CRPPA: variants seen among roughly 807,000 people sequenced by gnomAD.
CRPPA encodes D-ribitol-5-phosphate cytidylyltransferase.
Under a neutral mutation model 52.0 loss-of-function variants are expected in CRPPA, and 43 were observed. That is an observed-to-expected ratio of 0.83 (90% CI 0.65 to 1.07). The LOEUF is 1.07. Among genes scored for constraint, CRPPA ranks in the 50% least tolerant of loss-of-function variants. CRPPA has a pLI of 0.00. For synonymous variants in CRPPA, 250 were observed against 203.5 expected (o/e 1.23, Z -1.94); for missense variants, 629 against 551.7 (o/e 1.14, Z -1.40).
At chr7:16,308,042 G>T (rs372469310) in intron 4 of CRPPA, among the ~76,000 whole-genome samples, 1 of 152,078 alleles carries the variant, frequency 6.6e-6, no homozygotes, top group Non-Finnish European at 1.5e-5. Flanking sequence ...CGTGGGGGCA[G>T]ATTTCCGCCT....
chr7:16,266,742 G>T (rs577455071), intron 6 of CRPPA, among the ~76,000 whole-genome samples: 1 of 152,280 alleles, frequency 6.6e-6, no homozygotes, highest in South Asian at 2.1e-4. Context: ...GCCTCCTAAA[G>T]TGCTGGGATT....
chr7:16,292,463 G>A (rs1784582905), intron 5 of CRPPA, among the ~76,000 whole-genome samples: 1 of 151,922 alleles, frequency 6.6e-6, no homozygotes, highest in Non-Finnish European at 1.5e-5. Flanking sequence ...AGGAGTTGAT[G>A]GTAGCACAGA....
intron 3 of CRPPA, among the ~76,000 whole-genome samples, chr7:16,343,202 A>AT (rs968404270): frequency 6.6e-6 from 1 of 152,262 alleles, no homozygotes; most frequent in East Asian, 1.9e-4. Context: ...GATCAAAATC[A>AT]TTTTTTTTTA....
At chr7:16,125,888 T>TACACACAC (rs3083131) in intron 9 of CRPPA, among the ~76,000 whole-genome samples, 11 of 134,232 alleles carry the variant, frequency 8.2e-5, no homozygotes, top group African/African-American at 2.8e-4. Flanking sequence ...GAAGCTTGCC[T>TACACACAC]ACACACACAC....
chr7:16,387,181 T>C (rs963538607), intron 2 of CRPPA, among the ~76,000 whole-genome samples: 2 of 149,776 alleles, frequency 1.3e-5, no homozygotes, highest in African/African-American at 4.9e-5. Context: ...ATTAGGTTGG[T>C]ACAAAAGTAA....
At chr7:16,323,651 T>A (rs956897396) in intron 3 of CRPPA, among the ~76,000 whole-genome samples, 1 of 152,246 alleles carries the variant, frequency 6.6e-6, no homozygotes, top group African/African-American at 2.4e-5. Context: ...TCTTTTTGTA[T>A]ATTTTATTAC....
chr7:16,277,713 T>C (rs1784235232), intron 6 of CRPPA, among the ~76,000 whole-genome samples: 1 of 152,192 alleles, frequency 6.6e-6, no homozygotes, highest in South Asian at 2.1e-4. Context: ...TACTCGCTTT[T>C]CCAATATCAT....
chr7:16,168,074 T>C (rs1030437882), intron 9 of CRPPA, among the ~76,000 whole-genome samples: 9 of 152,214 alleles, frequency 5.9e-5, no homozygotes, highest in African/African-American at 2.2e-4. Context: ...TTGATGTGTT[T>C]CTTGGCAATT....
chr7:16,309,420 T>C (rs766718155), intron 3 of CRPPA, among the ~76,000 whole-genome samples: 10 of 152,172 alleles, frequency 6.6e-5, no homozygotes, highest in Non-Finnish European at 1.3e-4. Flanking sequence ...GATGCAGCAC[T>C]AGAAGAATGT....
At chr7:16,159,199 C>T (rs894994359) in intron 9 of CRPPA, among the ~76,000 whole-genome samples, 35 of 152,142 alleles carry the variant, frequency 2.3e-4, no homozygotes, top group Non-Finnish European at 1.6e-4. Flanking sequence ...GGCAGATCAC[C>T]TAAGGTCAGG....
chr7:16,412,790 T>C (rs1043491426), intron 1 of CRPPA, among the ~76,000 whole-genome samples: 7 of 152,190 alleles, frequency 4.6e-5, no homozygotes, highest in Non-Finnish European at 7.3e-5. Flanking sequence ...CTCCTGAATA[T>C]TTCCTTTCTA....
intron 2 of CRPPA, among the ~76,000 whole-genome samples, chr7:16,377,157 G>C (rs536756973): frequency 6.6e-6 from 1 of 152,282 alleles, no homozygotes; most frequent in African/African-American, 2.4e-5. Context: ...AAAGCCAAGG[G>C]ACTGGCTGAA....
intron 9 of CRPPA, among the ~76,000 whole-genome samples, chr7:16,202,209 G>C (rs1355538915): frequency 6.6e-6 from 1 of 152,110 alleles, no homozygotes; most frequent in Admixed American, 6.6e-5. Flanking sequence ...TCATGTTTAT[G>C]AATGATACTA....
intron 9 of CRPPA, among the ~76,000 whole-genome samples, chr7:16,104,706 C>G (rs1015659230): frequency 3.3e-5 from 5 of 152,032 alleles, no homozygotes; most frequent in Admixed American, 3.3e-4. Context: ...CAAGACCAAC[C>G]TGGTCAACAT....
intron 9 of CRPPA, among the ~76,000 whole-genome samples, chr7:16,179,353 A>T (rs562814487): frequency 6.6e-6 from 1 of 152,270 alleles, no homozygotes; most frequent in South Asian, 2.1e-4. Flanking sequence ...AATCCATGAA[A>T]ATGTTGTCAC....
intron 3 of CRPPA, among the ~76,000 whole-genome samples, chr7:16,329,726 T>C (rs2128429567): frequency 6.6e-6 from 1 of 152,304 alleles, no homozygotes; most frequent in Non-Finnish European, 1.5e-5. Context: ...TGAGGATTCA[T>C]GGTCAGAGTA....
At chr7:16,134,771 A>T (rs1252887557) in intron 9 of CRPPA, among the ~76,000 whole-genome samples, 1 of 152,222 alleles carries the variant, frequency 6.6e-6, no homozygotes, top group Non-Finnish European at 1.5e-5. Context: ...TTTGTAAATT[A>T]TAATTGAATC....
At chr7:16,235,809 G>A (rs1015907983) in intron 8 of CRPPA, 6 of 152,022 alleles carry the variant, frequency 3.9e-5, no homozygotes, top group Non-Finnish European at 5.9e-5. Context: ...GCAAGCATTG[G>A]CATTACTCAT....
intron 3 of CRPPA, among the ~76,000 whole-genome samples, chr7:16,350,209 G>C (rs1017864462): frequency 6.6e-6 from 1 of 152,040 alleles, no homozygotes; most frequent in African/African-American, 2.4e-5. Flanking sequence ...AGCTGAAAAA[G>C]TTGATCACCA....
Sources: gnomAD v4.1 joint callset for allele counts (sites outside exome capture counted in the v4.1 genomes callset) on GRCh38, gnomAD v4.1.1 for gene constraint, MANE v1.5 for transcripts, NCBI Gene and HGNC (gene_info 2026-07-23, HGNC 2026-07-21) for gene names.